Variants in CDIN1 observed in about 807,000 individuals in gnomAD.
CDIN1 encodes CDAN1 interacting nuclease 1.
A neutral mutation model predicts 45.3 loss-of-function variants in CDIN1; 33 were observed. The ratio of observed to expected loss-of-function variants is 0.73; its 90% CI spans 0.55 to 0.97. The LOEUF (loss-of-function observed/expected upper bound fraction) is 0.97, where lower values mean the gene tolerates loss of function less well. Among genes scored for constraint, CDIN1 ranks in the 50% least tolerant of loss-of-function variants. The pLI is 0.00. For missense variants in CDIN1, 303 were observed against 339.4 expected (o/e 0.89, Z 0.84); for synonymous variants, 118 against 124.4 (o/e 0.95, Z 0.34).
chr15:36,777,247 G>T (rs1016216640), intron 10 of CDIN1, among the ~76,000 whole-genome samples: 1 of 151,908 alleles, frequency 6.6e-6, no homozygotes, highest in Non-Finnish European at 1.5e-5. Context: ...AGTGACGGGA[G>T]AAAAAAAGAA....
At chr15:36,700,525 C>T (rs1203117760) in intron 8 of CDIN1, among the ~76,000 whole-genome samples, 1 of 151,718 alleles carries the variant, frequency 6.6e-6, no homozygotes. Flanking sequence ...GCTGCTTTTT[C>T]CTGAAATAGT....
At chr15:36,690,344 C>G (rs535721292) in intron 5 of CDIN1, among the ~76,000 whole-genome samples, 1 of 152,042 alleles carries the variant, frequency 6.6e-6, no homozygotes, top group African/African-American at 2.4e-5. Flanking sequence ...TCACTGCTCA[C>G]TGCAACCTCC....
intron 10 of CDIN1, among the ~76,000 whole-genome samples, chr15:36,792,874 C>T (rs2054682445): frequency 6.6e-6 from 1 of 152,262 alleles, no homozygotes; most frequent in Admixed American, 6.5e-5. Context: ...ATACCGTGCC[C>T]TTCCCTCCGG....
chr15:36,809,720 A>AT lies in CDIN1; in HGVS notation c.*1272dup, dbSNP rs1473766092. 7.2e-5 allele frequency: 11 copies of AT among 152,172 alleles called. No individual in the cohort carries two copies. The highest frequency in any genetic ancestry group is 4.1e-4 in the South Asian group (2 of 4,830). 9.4% of individuals were successfully genotyped at this position (152,172 alleles called of 1,614,324 possible). A position where few individuals can be genotyped will look rare whatever the true frequency, so the allele number is the denominator to read the frequency against. The stretch of plus-strand genomic sequence containing the variant: ...GGGAAATACTAATAACAACAATGTA[A>AT]TTTTTGCAGACAGCTTTAACTTATA... On this transcript the variant is annotated 3_prime_UTR_variant, in exon 11 of 11. Coordinates refer to ENST00000566621, the MANE Select transcript of CDIN1 (RefSeq NM_001321759.2).
intron 10 of CDIN1, among the ~76,000 whole-genome samples, chr15:36,793,253 G>A (rs1486308042): frequency 1.3e-5 from 2 of 152,120 alleles, no homozygotes; most frequent in Admixed American, 6.5e-5. Context: ...AAAGACAGGA[G>A]CTGGGTTCAT....
At chr15:36,751,561 A>G (rs1035903851) in intron 10 of CDIN1, among the ~76,000 whole-genome samples, 3 of 152,016 alleles carry the variant, frequency 2.0e-5, no homozygotes, top group Non-Finnish European at 4.4e-5. Flanking sequence ...TGCTATTTGC[A>G]ACCATTGTGG....
At chr15:36,590,715 A>G (rs1164056802) in intron 1 of CDIN1, among the ~76,000 whole-genome samples, 3 of 152,240 alleles carry the variant, frequency 2.0e-5, no homozygotes, top group Non-Finnish European at 2.9e-5. Context: ...GATGAGATAT[A>G]AACTCTGAAC....
intron 1 of CDIN1, among the ~76,000 whole-genome samples, chr15:36,634,294 G>T (rs1595396027): frequency 6.9e-6 from 1 of 145,530 alleles, no homozygotes; most frequent in Non-Finnish European, 1.5e-5. Flanking sequence ...GTCAGGCGTG[G>T]TGGTGCATGC....
At chr15:36,587,196 TG>T (rs1595707188) in intron 1 of CDIN1, among the ~76,000 whole-genome samples, 2 of 151,750 alleles carry the variant, frequency 1.3e-5, no homozygotes, top group East Asian at 1.9e-4. Flanking sequence ...TTTTGAAGCA[TG>T]TTTTTTTTCT....
chr15:36,768,641 T>A (rs2053988211), intron 10 of CDIN1, among the ~76,000 whole-genome samples: 1 of 152,168 alleles, frequency 6.6e-6, no homozygotes, highest in Non-Finnish European at 1.5e-5. Flanking sequence ...GGGTTTGCTG[T>A]AAACTGCTGC....
chr15:36,734,586 C>T (rs1049653817), intron 10 of CDIN1, among the ~76,000 whole-genome samples: 2 of 152,072 alleles, frequency 1.3e-5, no homozygotes, highest in African/African-American at 2.4e-5. Context: ...CTCAGCCTGC[C>T]TAGCCTGTCT....
intron 10 of CDIN1, among the ~76,000 whole-genome samples, chr15:36,715,908 A>AT (rs537302173): frequency 4.1e-4 from 62 of 152,138 alleles, no homozygotes; most frequent in African/African-American, 1.5e-3. Context: ...GATAAGTATC[A>AT]TTTTTTCAGC....
intron 1 of CDIN1, among the ~76,000 whole-genome samples, chr15:36,643,366 A>T (rs2040186434): frequency 6.6e-6 from 1 of 152,206 alleles, no homozygotes; most frequent in African/African-American, 2.4e-5. Flanking sequence ...TTTTTCATTT[A>T]TAAATAGAAA....
At chr15:36,585,759 A>T (rs6495844) in intron 1 of CDIN1, among the ~76,000 whole-genome samples, 129,194 of 152,104 alleles carry the variant, frequency 0.85, 55,068 homozygotes, top group Middle Eastern at 0.96. Flanking sequence ...ATAAAACTAA[A>T]GGTGTTTTAT....
At chr15:36,735,428 C>A (rs2140923026) in intron 10 of CDIN1, among the ~76,000 whole-genome samples, 1 of 152,098 alleles carries the variant, frequency 6.6e-6, no homozygotes, top group East Asian at 1.9e-4. Context: ...TCCCTATTAT[C>A]ATTCTATCAT....
intron 4 of CDIN1, among the ~76,000 whole-genome samples, chr15:36,655,934 G>C (rs1305731808): frequency 6.6e-6 from 1 of 151,956 alleles, no homozygotes; most frequent in Admixed American, 6.6e-5. Flanking sequence ...TAGTAATATG[G>C]AAAAATTTAA....
At chr15:36,682,667 G>T (rs982887792) in intron 5 of CDIN1, among the ~76,000 whole-genome samples, 9 of 147,572 alleles carry the variant, frequency 6.1e-5, no homozygotes, top group Admixed American at 1.4e-4. Context: ...CTACCAGGGA[G>T]ACTGAGATGG....
chr15:36,678,450 G>C (rs1285940525), intron 5 of CDIN1, among the ~76,000 whole-genome samples: 1 of 152,194 alleles, frequency 6.6e-6, no homozygotes, highest in Non-Finnish European at 1.5e-5. Flanking sequence ...CACATGAAGA[G>C]GCAAAGCTCC....
intron 1 of CDIN1, among the ~76,000 whole-genome samples, chr15:36,592,078 A>T (rs2037602704): frequency 6.6e-6 from 1 of 150,672 alleles, no homozygotes; most frequent in African/African-American, 2.4e-5. Context: ...TCTAGATCTG[A>T]TTTTTTTTTT....
Sources: allele counts gnomAD v4.1 joint callset (sites outside exome capture counted in the v4.1 genomes callset), GRCh38; gene constraint gnomAD v4.1.1; transcripts MANE v1.5; gene names NCBI Gene and HGNC (gene_info 2026-07-23, HGNC 2026-07-21).